Variants in SOHLH1 observed in about 807,000 individuals in gnomAD.
SOHLH1 encodes spermatogenesis- and oogenesis-specific basic helix-loop-helix-containing protein 1.
SOHLH1 carries 23 observed loss-of-function variants against 36.2 expected under a neutral mutation model. The ratio of observed to expected loss-of-function variants is 0.64; its 90% CI spans 0.46 to 0.90. SOHLH1 has a LOEUF of 0.90. Among genes scored for constraint, SOHLH1 ranks in the 40% least tolerant of loss-of-function variants. The pLI is 0.00. For missense variants in SOHLH1, 608 were observed against 517.0 expected (o/e 1.18, Z -1.71); for synonymous variants, 289 against 228.3 (o/e 1.27, Z -2.40).
chr9:135,698,448 G>C lies in SOHLH1; in HGVS notation c.226C>G (p.Leu76Val), dbSNP rs908802705. The C allele has an allele frequency of 3.7e-6, 6 of 1,613,232 alleles. No homozygotes were observed. Among genetic ancestry groups the C allele is most frequent in the Non-Finnish European group, 5.1e-6 (6 of 1,180,034 alleles). Residue 76 changes from leucine to valine, a missense_variant, in exon 3 of 8, where the codon CTG (leucine) becomes GTG (valine). Transcript: ENST00000425225. ...RKRMSLSCERLRALLPQFDGR... is the reference protein window; with the variant it reads ...RKRMSLSCERVRALLPQFDGR... ...TCGAACTGGGGCAGCAGGGCCCGCAGACGCTCACAGCTCAACGACATCCGC... is the reference window on the plus strand; with the variant it reads ...TCGAACTGGGGCAGCAGGGCCCGCACACGCTCACAGCTCAACGACATCCGC...
rs758293120 is a variant in SOHLH1, at chr9:135,696,751, C to T, written c.522G>A (p.Ser174=). The change falls in exon 5 of 8, where the codon TCG becomes TCA. Residue 174 remains serine (S), a synonymous_variant. Transcript: ENST00000425225. The part of the protein sequence containing the change: ...LESPWSLDPA[S]ASPEPVPHIL... ...TGTGCGGCACGGGCTCTGGGCTGGC[C>T]GACGCTGGATCCAGGGACCAAGGAC... 5.6e-6 allele frequency: 9 copies of T among 1,612,994 alleles called. No individual in the cohort carries two copies. In the Admixed American group the frequency reaches 1.0e-4, roughly 18 times the overall value.
upstream of SOHLH1, chr9:135,702,088 C>A: frequency 1.8e-6 from 1 of 566,072 alleles, no homozygotes; most frequent in South Asian, 2.2e-5. Context: ...GGTCCCGGCG[C>A]GGCCGGCAGG....
chr9:135,694,470 A>G lies in SOHLH1; in HGVS notation c.876-13T>C, dbSNP rs952900128. The G allele has an allele frequency of 6.2e-7, 1 of 1,612,212 alleles. No homozygotes were observed. The highest frequency in any genetic ancestry group is 1.7e-5 in the Admixed American group (1 of 59,992). ...CCCCAACGCAGACCTGGAAGCGACAAGCTCTTCCTCAGTGGCCACAAGCGG... is the reference window on the plus strand; with the variant it reads ...CCCCAACGCAGACCTGGAAGCGACAGGCTCTTCCTCAGTGGCCACAAGCGG... On this transcript the variant is annotated splice_polypyrimidine_tract_variant and intron_variant, in intron 6 of 7. Coordinates refer to ENST00000425225, the MANE Select transcript of SOHLH1 (RefSeq NM_001101677.2).
At chr9:135,698,913 C>A in intron 2 of SOHLH1, 82 bp downstream of exon 2, 1 of 1,597,290 alleles carries the variant, frequency 6.3e-7, no homozygotes, top group South Asian at 1.1e-5. Flanking sequence ...AGCTGCCTGA[C>A]ACCTGGTGGC....
At chr9:135,700,136 T>A (rs1035779330), upstream of SOHLH1, among the ~76,000 whole-genome samples, 4 of 152,034 alleles carry the variant, frequency 2.6e-5, no homozygotes, top group Admixed American at 6.5e-5. Flanking sequence ...CTCGGAACCG[T>A]CTGTCCCTTC....
chr9:135,696,619 AG>A lies in SOHLH1; in HGVS notation c.653del (p.Pro218LeufsTer21), dbSNP rs769116903. 1.2e-6 allele frequency: 2 copies of A among 1,612,342 alleles called. No individual in the cohort carries two copies. The highest frequency in any genetic ancestry group is 2.2e-5 in the South Asian group (2 of 91,024). The part of the protein sequence containing the change: ...GLCQVRGGLP[P>X]FSEPSSLVPW... Reference sequence around the variant, plus strand: ...TGCACACCCAGGACTCACCTGAGAAAGGGGGCAGCCCACCCCGCACCTGGCA... The same window carrying A: ...TGCACACCCAGGACTCACCTGAGAAAGGGGCAGCCCACCCCGCACCTGGCA... On this transcript the variant is annotated frameshift_variant, in exon 5 of 8. Transcript: ENST00000425225. LOFTEE classifies it high-confidence loss of function.
At chr9:135,700,018 T>C (rs1300758353), upstream of SOHLH1, among the ~76,000 whole-genome samples, 1 of 151,960 alleles carries the variant, frequency 6.6e-6, no homozygotes, top group East Asian at 1.9e-4. Flanking sequence ...CGCCTCAGGG[T>C]AGGGTCACCA....
At chr9:135,697,029 G>C (rs889740687) in intron 4 of SOHLH1, among the ~76,000 whole-genome samples, 3 of 152,162 alleles carry the variant, frequency 2.0e-5, no homozygotes, top group African/African-American at 7.2e-5. Flanking sequence ...TTCTTCCACA[G>C]CTAATTAGCC....
intron 2 of SOHLH1, 75 bp downstream of exon 2, chr9:135,698,920 T>C: frequency 6.2e-7 from 1 of 1,603,324 alleles, no homozygotes; most frequent in Non-Finnish European, 8.5e-7. Context: ...TGACACCTGG[T>C]GGCAGCCCCG....
At position 135,697,525 on chromosome 9, in the gene SOHLH1, C is replaced by A; in HGVS notation, c.448G>T (p.Gly150Ter). The change falls in exon 4 of 8, where the codon GGA becomes TGA. Residue 150 changes from glycine to a stop codon, truncating the protein, a stop_gained. Transcript: ENST00000425225. LOFTEE classifies it high-confidence loss of function. ...ACTAACCGAGTCCCGCTGGACGCTC[C>A]CGTCCCAGGGTCTGGCACACCTGCT... is the stretch of plus-strand genomic sequence containing the variant. ...IQAGVPDPGT[G>*]ASSGTRTPDV... is the part of the protein sequence containing the mutation. 6.2e-7 allele frequency: 1 copy of A among 1,611,990 alleles called. No individual in the cohort carries two copies. Among genetic ancestry groups the A allele is most frequent in the South Asian group, 1.1e-5 (1 of 91,034 alleles).
rs779269495 is a variant in SOHLH1, at chr9:135,698,307, G to T, written c.345+22C>A. On this transcript the variant is annotated intron_variant, in intron 3 of 7. Coordinates refer to ENST00000425225, the MANE Select transcript of SOHLH1 (RefSeq NM_001101677.2). The stretch of plus-strand genomic sequence containing the variant: ...ATCACCGTGATGCCGGAGGACTGAC[G>T]GCGTCTACCCTTACAACTCACAGCG... The T allele has an allele frequency of 5.0e-6, 8 of 1,612,834 alleles. No homozygotes were observed. In the South Asian group the frequency reaches 6.6e-5, roughly 13 times the overall value.
intron 3 of SOHLH1, among the ~76,000 whole-genome samples, chr9:135,698,069 C>A (rs903848556): frequency 1.1e-4 from 17 of 152,120 alleles, no homozygotes; most frequent in Non-Finnish European, 2.5e-4. Flanking sequence ...CGGAGCATCT[C>A]GGCAACCCAT....
At chr9:135,702,026 A>ATCCCTGGACCC (rs11275031), upstream of SOHLH1, among the ~76,000 whole-genome samples, 73,548 of 151,266 alleles carry the variant, frequency 0.49, 18,164 homozygotes, top group East Asian at 0.66. Context: ...GCGGGAGCGG[A>ATCCCTGGACCC]TCGCCCTCCC....
In SOHLH1 at chr9:135,697,569, G is replaced by A. The variant is rs141406935; in HGVS notation, c.404C>T (p.Thr135Met). 4.9e-4 allele frequency: 790 copies of A among 1,612,576 alleles called. 1 individual carries two copies. Among genetic ancestry groups the A allele is most frequent in the Non-Finnish European group, 6.5e-4 (763 of 1,179,676 alleles). Residue 135 changes from threonine to methionine, a missense_variant, in exon 4 of 8, where the codon ACG becomes ATG. Transcript: ENST00000425225. ...ACCTGCTTGAATCTGACTCGACAAC[G>A]TCAACTGTAAAACATCCTCCTGCAA... ...HSLQEDVLQL[T>M]LSSQIQAGVP...
intron 7 of SOHLH1, chr9:135,694,017 G>A: frequency 7.0e-7 from 1 of 1,427,214 alleles, no homozygotes; most frequent in Non-Finnish European, 9.1e-7. Context: ...ACCAGGAACG[G>A]GCTCCCAAAC....
Position 135,693,485 on chromosome 9 carries a change from A to G in SOHLH1, c.*112T>C, listed in dbSNP as rs978675573. 7.3e-7 allele frequency: 1 copy of G among 1,372,534 alleles called. No homozygotes were observed. The highest frequency in any genetic ancestry group is 1.5e-5 in the African/African-American group (1 of 68,662). The allele number at this position is 1,372,534 out of a possible 1,614,324, so 85.0% of individuals were successfully genotyped here. ...CTCACAGCCTGTAAGCCTCGCTCAA[A>G]TTAGGGTGCAGCTGCAACCCAAACC... On this transcript the variant is annotated 3_prime_UTR_variant, in exon 8 of 8. Coordinates refer to ENST00000425225, the MANE Select transcript of SOHLH1 (RefSeq NM_001101677.2).
Position 135,694,450 on chromosome 9 carries a change from A to G in SOHLH1, c.883T>C (p.Leu295=), listed in dbSNP as rs374426154. The G allele has an allele frequency of 1.8e-4, 298 of 1,612,972 alleles. No homozygotes were observed. The highest frequency in any genetic ancestry group is 5.7e-4 in the Admixed American group (34 of 59,994). The part of the protein sequence containing the change: ...PMLAQEAGSA[L]GSDVDDGTSF... ...GTCCCATCGTCCACATCAGACCCCA[A>G]CGCAGACCTGGAAGCGACAAGCTCT... The change falls in exon 7 of 8, where the codon TTG becomes CTG. Residue 295 remains leucine (L), a synonymous_variant. Coordinates refer to ENST00000425225, the MANE Select transcript of SOHLH1 (RefSeq NM_001101677.2).
At chr9:135,697,682 CAA>C in intron 3 of SOHLH1, 55 bp from the exon 4 acceptor site, 1 of 1,582,402 alleles carries the variant, frequency 6.3e-7, no homozygotes, top group Non-Finnish European at 8.6e-7. Context: ...CTGAGAAACC[CAA>C]GACACGGTGA....
At position 135,696,677 on chromosome 9, in the gene SOHLH1, C is replaced by T. The variant is rs1403532396; in HGVS notation, c.596G>A (p.Gly199Asp). Residue 199 changes from glycine to aspartate, a missense_variant, in exon 5 of 8, where the codon GGC (glycine) becomes GAC (aspartate). Gly to Asp is a moderately conservative substitution (Grantham distance 94). Coordinates refer to ENST00000425225, the MANE Select transcript of SOHLH1 (RefSeq NM_001101677.2). ...QWDPASCTSL[G>D]TDKCEALLGL... is the part of the protein sequence containing the mutation. ...CAACAGTGCCTCACACTTGTCCGTG[C>T]CCAGGGACGTGCAGCTCGCGGGGTC... 1.2e-6 allele frequency: 2 copies of T among 1,612,776 alleles called. No homozygotes were observed. The highest frequency in any genetic ancestry group is 1.7e-5 in the Admixed American group (1 of 59,988).
Sources: allele counts gnomAD v4.1 joint callset (sites outside exome capture counted in the v4.1 genomes callset), GRCh38; gene constraint gnomAD v4.1.1; transcripts MANE v1.5; gene names NCBI Gene and HGNC (gene_info 2026-07-23, HGNC 2026-07-21).